Variants in GPC5 observed in about 807,000 individuals in gnomAD.
The protein encoded by GPC5 is glypican-5.
Under a neutral mutation model 53.9 loss-of-function variants are expected in GPC5, and 47 were observed. The observed-to-expected ratio is 0.87, with a 90% CI of 0.69 to 1.11. The LOEUF is 1.11. Ranked by LOEUF, GPC5 falls within the 50% of genes most tolerant of loss-of-function variation. The probability of loss-of-function intolerance (pLI) is 0.00; values close to 1 mark genes in which losing one functional copy is unlikely to be tolerated. For synonymous variants in GPC5, 286 were observed against 263.3 expected (o/e 1.09, Z -0.84); for missense variants, 748 against 713.1 (o/e 1.05, Z -0.56).
intron 7 of GPC5, among the ~76,000 whole-genome samples, chr13:92,486,707 T>C (rs1019572672): frequency 6.6e-6 from 1 of 152,226 alleles, no homozygotes; most frequent in African/African-American, 2.4e-5. Context: ...AATCGTGCTC[T>C]ACTGTCCAAA....
intron 6 of GPC5, among the ~76,000 whole-genome samples, chr13:92,097,564 G>T (rs2041431915): frequency 1.3e-5 from 2 of 152,186 alleles, no homozygotes; most frequent in Non-Finnish European, 2.9e-5. Flanking sequence ...CATCTCAGCG[G>T]AAACTAAAAA....
intron 7 of GPC5, among the ~76,000 whole-genome samples, chr13:92,550,890 GGTTT>G (rs897790150): frequency 6.6e-6 from 1 of 151,648 alleles, no homozygotes; most frequent in African/African-American, 2.4e-5. Flanking sequence ...ATCTTGCCTT[GGTTT>G]GTTTGTTTAT....
Position 91,924,651 on chromosome 13 carries a change from G to A in GPC5, c.1401+16594G>A, listed in dbSNP as rs985867006. On this transcript the variant is annotated intron_variant, in intron 6 of 7. Transcript: ENST00000377067. Reference sequence around the variant, plus strand: ...AGCTACTCAGGAGGCTGAAGTAGGAGAATCACCTGGGCCTGGGAGGTTGAG... The same window carrying A: ...AGCTACTCAGGAGGCTGAAGTAGGAAAATCACCTGGGCCTGGGAGGTTGAG... Among the ~76,000 whole-genome samples, 3 of 152,094 alleles carry A rather than the reference G, an allele frequency of 2.0e-5. 1 individual carries two copies. The highest frequency in any genetic ancestry group is 4.8e-5 in the African/African-American group (2 of 41,424).
intron 7 of GPC5, among the ~76,000 whole-genome samples, chr13:92,585,532 T>C (rs1247418134): frequency 1.3e-5 from 2 of 152,152 alleles, no homozygotes; most frequent in African/African-American, 4.8e-5. Flanking sequence ...GGAAGGGAAT[T>C]GCCTTGTCTC....
At chr13:91,524,124 T>A (rs1042344020) in intron 2 of GPC5, among the ~76,000 whole-genome samples, 2 of 152,128 alleles carry the variant, frequency 1.3e-5, no homozygotes, top group African/African-American at 4.8e-5. Flanking sequence ...GAATAAATCA[T>A]TTCTAAGGTC....
intron 7 of GPC5, among the ~76,000 whole-genome samples, chr13:92,174,806 A>C (rs1272859353): frequency 6.6e-6 from 1 of 152,228 alleles, no homozygotes; most frequent in Non-Finnish European, 1.5e-5. Context: ...TAAAGTGCAG[A>C]GTACCATTAA....
In GPC5 at chr13:92,076,216, CCA is replaced by C. The variant is rs200847286; in HGVS notation, c.1402-68612_1402-68611del. On this transcript the variant is annotated intron_variant, in intron 6 of 7. Coordinates refer to ENST00000377067, the MANE Select transcript of GPC5 (RefSeq NM_004466.6). The stretch of plus-strand genomic sequence containing the variant: ...CCCGAGTAGCTGGGACTACAGGCGC[CCA>C]CCACCATGCCTGGCTTATTTTATTT... Among the ~76,000 whole-genome samples, 856 of 152,038 alleles carry C rather than the reference CCA, an allele frequency of 5.6e-3. 15 individuals carry two copies. Among genetic ancestry groups the C allele is most frequent in the African/African-American group, 0.02 (815 of 41,484 alleles).
At chr13:92,690,646 C>G (rs930610135) in intron 7 of GPC5, among the ~76,000 whole-genome samples, 4 of 145,768 alleles carry the variant, frequency 2.7e-5, no homozygotes, top group Non-Finnish European at 6.0e-5. Context: ...AGGCGCTCTG[C>G]GTTTTACAGT....
intron 2 of GPC5, among the ~76,000 whole-genome samples, chr13:91,496,430 C>T (rs1485837894): frequency 5.9e-5 from 9 of 152,248 alleles, no homozygotes; most frequent in South Asian, 2.1e-4. Context: ...ATATACACAA[C>T]GGAGCACTAT....
At chr13:92,651,486 C>G (rs1404029785) in intron 7 of GPC5, among the ~76,000 whole-genome samples, 1 of 152,066 alleles carries the variant, frequency 6.6e-6, no homozygotes, top group Non-Finnish European at 1.5e-5. Flanking sequence ...AAGTACTTCT[C>G]AGAACTATCA....
intron 7 of GPC5, among the ~76,000 whole-genome samples, chr13:92,505,611 G>A (rs1244058433): frequency 6.6e-6 from 1 of 151,940 alleles, no homozygotes; most frequent in Non-Finnish European, 1.5e-5. Context: ...ACTGCTTGGT[G>A]TTTACCCCAG....
intron 7 of GPC5, among the ~76,000 whole-genome samples, chr13:92,445,404 T>TG (rs1422310991): frequency 6.6e-6 from 1 of 151,494 alleles, no homozygotes; most frequent in African/African-American, 2.4e-5. Context: ...CATGCTGGTG[T>TG]GCTGCACCCA....
At chr13:92,333,709 A>C (rs1177887345) in intron 7 of GPC5, among the ~76,000 whole-genome samples, 1 of 152,126 alleles carries the variant, frequency 6.6e-6, no homozygotes, top group Non-Finnish European at 1.5e-5. Context: ...TACTAGCTAC[A>C]TCATGTCCAG....
intron 6 of GPC5, among the ~76,000 whole-genome samples, chr13:92,081,546 C>T (rs899752849): frequency 6.6e-6 from 1 of 152,020 alleles, no homozygotes. Context: ...TTTGATTGTA[C>T]TCTGAGGACC....
chr13:92,290,492 C>A (rs1159771493), intron 7 of GPC5, among the ~76,000 whole-genome samples: 2 of 152,108 alleles, frequency 1.3e-5, no homozygotes, highest in Non-Finnish European at 2.9e-5. Flanking sequence ...CCCCTTCTGA[C>A]CCTTTCCCCA....
At chr13:92,399,276 A>C (rs996606563) in intron 7 of GPC5, among the ~76,000 whole-genome samples, 4 of 152,220 alleles carry the variant, frequency 2.6e-5, no homozygotes, top group African/African-American at 9.6e-5. Context: ...ATAGACCCTT[A>C]AAATAATTAA....
intron 7 of GPC5, among the ~76,000 whole-genome samples, chr13:92,577,520 T>C (rs1487865871): frequency 6.6e-6 from 1 of 151,644 alleles, no homozygotes; most frequent in Non-Finnish European, 1.5e-5. Context: ...CTCAAGGTCA[T>C]AGACTAACTA....
intron 7 of GPC5, among the ~76,000 whole-genome samples, chr13:92,802,901 A>C (rs1165363662): frequency 6.6e-6 from 1 of 151,970 alleles, no homozygotes; most frequent in Non-Finnish European, 1.5e-5. Context: ...AGAACTGACA[A>C]AATGAATGCA....
At chr13:91,578,725 A>G (rs1182096366) in intron 2 of GPC5, among the ~76,000 whole-genome samples, 2 of 151,822 alleles carry the variant, frequency 1.3e-5, no homozygotes, top group East Asian at 3.9e-4. Context: ...CTTTTAAAAT[A>G]TTTTCAAAGT....
Sources: allele counts gnomAD v4.1 joint callset (sites outside exome capture counted in the v4.1 genomes callset), GRCh38; gene constraint gnomAD v4.1.1; transcripts MANE v1.5; gene names NCBI Gene and HGNC (gene_info 2026-07-23, HGNC 2026-07-21).